Variants in RNF150 observed in about 807,000 individuals in gnomAD.
The protein encoded by RNF150 is ring finger protein 150.
A neutral mutation model predicts 39.3 loss-of-function variants in RNF150; 24 were observed. That is an observed-to-expected ratio of 0.61 (90% CI 0.44 to 0.86). The LOEUF (loss-of-function observed/expected upper bound fraction) is 0.86. Ranked by LOEUF, RNF150 falls within the 40% of genes least tolerant of loss-of-function variation. The pLI, the probability that RNF150 is intolerant of heterozygous loss-of-function variation, is 0.00. For synonymous variants in RNF150, 255 were observed against 227.3 expected (o/e 1.12, Z -1.10); for missense variants, 502 against 587.8 (o/e 0.85, Z 1.51).
At chr4:141,179,642 G>A (rs915531161) in intron 1 of RNF150, among the ~76,000 whole-genome samples, 7 of 151,984 alleles carry the variant, frequency 4.6e-5, no homozygotes, top group Admixed American at 3.3e-4. Context: ...TTTGCTTCTG[G>A]ATGGCCACAG....
At chr4:141,096,716 A>G (rs1238449448) in intron 1 of RNF150, among the ~76,000 whole-genome samples, 2 of 152,198 alleles carry the variant, frequency 1.3e-5, no homozygotes, top group East Asian at 3.8e-4. Flanking sequence ...TGATCAAACA[A>G]TCCCTCTTTT....
At chr4:140,881,669 G>A (rs1275568764) in intron 6 of RNF150, among the ~76,000 whole-genome samples, 1 of 152,114 alleles carries the variant, frequency 6.6e-6, no homozygotes, top group African/African-American at 2.4e-5. Context: ...GAACCCAGGA[G>A]TTTGAGACCA....
At chr4:141,079,074 C>G (rs532870234) in intron 1 of RNF150, among the ~76,000 whole-genome samples, 4 of 152,080 alleles carry the variant, frequency 2.6e-5, no homozygotes, top group African/African-American at 9.6e-5. Flanking sequence ...GTTTCATCAT[C>G]ATAATCAGTT....
chr4:141,080,140 C>A, intron 1 of RNF150, among the ~76,000 whole-genome samples: 1 of 152,136 alleles, frequency 6.6e-6, no homozygotes, highest in East Asian at 1.9e-4. Context: ...GAAAGAAAAC[C>A]TCTTCCTAGG....
At chr4:141,201,971 C>T (rs1472509207) in intron 1 of RNF150, among the ~76,000 whole-genome samples, 1 of 152,070 alleles carries the variant, frequency 6.6e-6, no homozygotes, top group Non-Finnish European at 1.5e-5. Flanking sequence ...TATAAAAGGG[C>T]TAGTGGGAGC....
chr4:141,205,993 C>A (rs773820094), intron 1 of RNF150, among the ~76,000 whole-genome samples: 2 of 152,192 alleles, frequency 1.3e-5, no homozygotes, highest in Non-Finnish European at 2.9e-5. Context: ...AGATGATCCA[C>A]TCTTTTTCCA....
At chr4:141,026,121 T>C (rs13118861) in intron 1 of RNF150, among the ~76,000 whole-genome samples, 115,482 of 152,048 alleles carry the variant, frequency 0.76, 46,031 homozygotes, top group Non-Finnish European at 0.9. Flanking sequence ...TTCACAACTG[T>C]GAGAAATAAA....
chr4:141,010,734 T>G (rs1735046465), intron 1 of RNF150, among the ~76,000 whole-genome samples: 1 of 152,058 alleles, frequency 6.6e-6, no homozygotes, highest in South Asian at 2.1e-4. Context: ...ACAGCACCCT[T>G]TGAGCTTAGA....
chr4:141,106,486 A>G (rs1281004461), intron 1 of RNF150, among the ~76,000 whole-genome samples: 1 of 152,178 alleles, frequency 6.6e-6, no homozygotes, highest in Non-Finnish European at 1.5e-5. Flanking sequence ...CTTCATGTGT[A>G]AGATGACATA....
chr4:141,022,013 C>T (rs527476858), intron 1 of RNF150, among the ~76,000 whole-genome samples: 10 of 152,266 alleles, frequency 6.6e-5, no homozygotes, highest in African/African-American at 2.4e-4. Flanking sequence ...TGTGCCTCAT[C>T]GGAGCAGATG....
At chr4:141,029,307 C>T (rs1320181382) in intron 1 of RNF150, among the ~76,000 whole-genome samples, 3 of 152,124 alleles carry the variant, frequency 2.0e-5, no homozygotes, top group Admixed American at 2.0e-4. Flanking sequence ...CCAGATGGTT[C>T]CTGCTGGTAT....
chr4:141,164,619 C>T (rs1033528184), intron 1 of RNF150, among the ~76,000 whole-genome samples: 2 of 152,104 alleles, frequency 1.3e-5, no homozygotes, highest in Non-Finnish European at 2.9e-5. Context: ...GCCAGAAACC[C>T]TAAAAGCCAG....
intron 1 of RNF150, among the ~76,000 whole-genome samples, chr4:141,060,680 C>T (rs1192590642): frequency 6.6e-6 from 1 of 152,160 alleles, no homozygotes; most frequent in Non-Finnish European, 1.5e-5. Context: ...ACTATAAAGA[C>T]ACATGCCCAT....
rs906827056 is a variant in RNF150, at chr4:140,860,504, G to A, written c.*7757C>T. On this transcript the variant is annotated 3_prime_UTR_variant, in exon 7 of 7. Transcript: ENST00000515673. ...GGAGAGGATAGACAATGCCGAGATG[G>A]AACCATCATCTACTACCTGCAGACT... The A allele has an allele frequency of 6.6e-6, 1 of 152,182 alleles. No homozygotes were observed. The highest frequency in any genetic ancestry group is 1.5e-5 in the Non-Finnish European group (1 of 68,030). 9.4% of individuals were successfully genotyped at this position (152,182 alleles called of 1,614,324 possible). A position where few individuals can be genotyped will look rare whatever the true frequency, so the allele number is the denominator to read the frequency against.
chr4:141,028,804 A>G lies in RNF150; in HGVS notation c.485-60931T>C, dbSNP rs1023940853. Among the ~76,000 whole-genome samples, 10 of 152,152 alleles carry G rather than the reference A, an allele frequency of 6.6e-5. 1 individual carries two copies. The highest frequency in any genetic ancestry group is 5.9e-5 in the Non-Finnish European group (4 of 67,994). ...TGATTCTGACATCTCACTTTATTTC[A>G]TGTTTTCCAACAGTGAAAATAATTT... On this transcript the variant is annotated intron_variant, in intron 1 of 6. Coordinates refer to ENST00000515673, the MANE Select transcript of RNF150 (RefSeq NM_020724.2).
intron 1 of RNF150, among the ~76,000 whole-genome samples, chr4:141,131,642 T>C (rs1726893701): frequency 6.6e-6 from 1 of 152,212 alleles, no homozygotes; most frequent in African/African-American, 2.4e-5. Flanking sequence ...CTTCAGCATA[T>C]TTAACCTCCC....
intron 5 of RNF150, among the ~76,000 whole-genome samples, chr4:140,921,028 G>C (rs1170504924): frequency 6.6e-6 from 1 of 151,432 alleles, no homozygotes; most frequent in Admixed American, 6.6e-5. Flanking sequence ...CACACTCTGG[G>C]GACTGTTGTG....
intron 6 of RNF150, among the ~76,000 whole-genome samples, chr4:140,880,910 A>G (rs1364534683): frequency 6.6e-6 from 1 of 151,958 alleles, no homozygotes; most frequent in Non-Finnish European, 1.5e-5. Flanking sequence ...TCTTTATTTT[A>G]ATTAGTCTAG....
At chr4:141,099,395 AT>A (rs1354615345) in intron 1 of RNF150, among the ~76,000 whole-genome samples, 3 of 152,214 alleles carry the variant, frequency 2.0e-5, no homozygotes, top group Non-Finnish European at 4.4e-5. Flanking sequence ...ATCAAAAGGC[AT>A]TTTTCTGGCT....
Sources: allele counts gnomAD v4.1 joint callset (sites outside exome capture counted in the v4.1 genomes callset), GRCh38; gene constraint gnomAD v4.1.1; transcripts MANE v1.5; gene names NCBI Gene and HGNC (gene_info 2026-07-23, HGNC 2026-07-21).